BZW1: variants seen among roughly 807,000 people sequenced by gnomAD.
The protein encoded by BZW1 is basic leucine zipper and W2 domains 1.
Under a neutral mutation model 54.1 loss-of-function variants are expected in BZW1, and 3 were observed. The observed-to-expected ratio is 0.06, with a 90% CI of 0.03 to 0.14. The LOEUF (loss-of-function observed/expected upper bound fraction) is 0.14, where lower values mean the gene tolerates loss of function less well. Among genes scored for constraint, BZW1 ranks in the 10% least tolerant of loss-of-function variants. The pLI, the probability that BZW1 is intolerant of heterozygous loss-of-function variation, is 1.00. For missense variants in BZW1, 206 were observed against 491.7 expected (o/e 0.42, Z 5.50); for synonymous variants, 152 against 162.7 (o/e 0.93, Z 0.50).
At chr2:200,817,883 G>GT (rs1157316617) in intron 6 of BZW1, 91 bp from the exon 7 acceptor site, 3 of 866,480 alleles carry the variant, frequency 3.5e-6, no homozygotes, top group Non-Finnish European at 1.8e-6. Flanking sequence ...GTAATCCCAT[G>GT]TGATTGAACT....
chr2:200,814,928 A>G (rs1212187539), intron 2 of BZW1, among the ~76,000 whole-genome samples: 1 of 152,238 alleles, frequency 6.6e-6, no homozygotes, highest in Non-Finnish European at 1.5e-5. Context: ...ACCTTCATAA[A>G]TGCCAAAGGA....
At chr2:200,812,479 ACCGCAGGC>A in intron 1 of BZW1, 1 of 1,334,920 alleles carries the variant, frequency 7.5e-7, no homozygotes, top group Non-Finnish European at 9.6e-7. Context: ...GGCGGCCGCC[ACCGCAGGC>A]GACAGGGTCA....
rs962499309 is a variant in BZW1, at chr2:200,826,991, T to G, written c.*4813T>G. 1.3e-5 allele frequency: 2 copies of G among 152,050 alleles called. No homozygotes were observed. The highest frequency in any genetic ancestry group is 4.8e-5 in the African/African-American group (2 of 41,398). The allele number at this position is 152,050 out of a possible 1,614,324, so 9.4% of individuals were successfully genotyped here. The stretch of plus-strand genomic sequence containing the variant: ...GAAGGCTATGCTTAAAAGTTAGAGA[T>G]AAACCTGTTGGAAATAAGTGATTCA... On this transcript the variant is annotated 3_prime_UTR_variant, in exon 12 of 12. Coordinates refer to ENST00000409600, the MANE Select transcript of BZW1 (RefSeq NM_001207067.2).
intron 10 of BZW1, among the ~76,000 whole-genome samples, chr2:200,820,656 G>A (rs1361325107): frequency 1.3e-5 from 2 of 151,896 alleles, no homozygotes; most frequent in Non-Finnish European, 2.9e-5. Context: ...CACTCCAGCA[G>A]CCTAGGCAAC....
chr2:200,813,199 C>T lies in BZW1; in HGVS notation c.-10-9C>T, dbSNP rs888173482. On this transcript the variant is annotated splice_polypyrimidine_tract_variant and intron_variant, in intron 1 of 11. Coordinates refer to ENST00000409600, the MANE Select transcript of BZW1 (RefSeq NM_001207067.2). ...CACTGATATTAAGGCTTTATTTCTC[C>T]TTTCCTAGGGTGTCTTTTATGAATA... The T allele has an allele frequency of 3.1e-6, 5 of 1,610,794 alleles. No homozygotes were observed. The highest frequency in any genetic ancestry group is 4.5e-5 in the East Asian group (2 of 44,850).
intron 10 of BZW1, among the ~76,000 whole-genome samples, chr2:200,820,717 C>T (rs1559314637): frequency 6.6e-6 from 1 of 152,050 alleles, no homozygotes; most frequent in South Asian, 2.1e-4. Flanking sequence ...CTTTTCCAGA[C>T]AGTCTGTAGT....
intron 1 of BZW1, chr2:200,812,356 A>G: frequency 1.6e-6 from 2 of 1,278,424 alleles, no homozygotes; most frequent in Middle Eastern, 3.0e-4. Flanking sequence ...GCTGCCACCC[A>G]CCACCGCTGC....
rs2038649436 is a variant in BZW1 at position 200,824,817 on chromosome 2, GCC to G, written c.*2641_*2642del. 6.6e-6 allele frequency: 1 copy of G among 151,708 alleles called. No homozygotes were observed. Among genetic ancestry groups the G allele is most frequent in the Non-Finnish European group, 1.5e-5 (1 of 67,956 alleles). The allele number at this position is 151,708 out of a possible 1,614,324, so 9.4% of individuals were successfully genotyped here. Reference sequence around the variant, plus strand: ...CTCCCGAGTAGCTGGGACTACAGGCGCCCGCCACCATGCCCGACTAATTTTTT... The same window carrying G: ...CTCCCGAGTAGCTGGGACTACAGGCGCGCCACCATGCCCGACTAATTTTTT... On this transcript the variant is annotated 3_prime_UTR_variant, in exon 12 of 12. Transcript: ENST00000409600.
rs2038634392 is a variant in BZW1 at position 200,824,345 on chromosome 2, T to C, written c.*2167T>C. ...AAGTATGTAATTCTTAATATAGATG[T>C]TAAATTGTACTTTTAATTATGATTG... is the stretch of plus-strand genomic sequence containing the variant. On this transcript the variant is annotated 3_prime_UTR_variant, in exon 12 of 12. Coordinates refer to ENST00000409600, the MANE Select transcript of BZW1 (RefSeq NM_001207067.2). The C allele has an allele frequency of 6.6e-6, 1 of 152,154 alleles. No homozygotes were observed. The highest frequency in any genetic ancestry group is 2.4e-5 in the African/African-American group (1 of 41,434). 9.4% of individuals were successfully genotyped at this position (152,154 alleles called of 1,614,324 possible).
intron 5 of BZW1, 74 bp downstream of exon 5, chr2:200,816,464 C>A: frequency 1.8e-6 from 2 of 1,119,680 alleles, no homozygotes; most frequent in Non-Finnish European, 1.3e-6. Context: ...CCTAATTCCG[C>A]CACAGATTTG....
chr2:200,826,901 G>T lies in BZW1; in HGVS notation c.*4723G>T, dbSNP rs2038716077. 1 of 151,426 alleles carries T rather than the reference G, an allele frequency of 6.6e-6. No individual in the cohort carries two copies. The highest frequency in any genetic ancestry group is 1.5e-5 in the Non-Finnish European group (1 of 67,892). The allele number at this position is 151,426 out of a possible 1,614,324, so 9.4% of individuals were successfully genotyped here. A position where few individuals can be genotyped will look rare whatever the true frequency, so the allele number is the denominator to read the frequency against. ...CCTTGGCAAAACAAGCTAGGAGCTA[G>T]TTCATGCTAATATTCTTAAGGACAA... On this transcript the variant is annotated 3_prime_UTR_variant, in exon 12 of 12. Transcript: ENST00000409600.
chr2:200,815,302 C>G, intron 2 of BZW1, 39 bp from the exon 3 acceptor site: 3 of 1,550,076 alleles, frequency 1.9e-6, no homozygotes, highest in Non-Finnish European at 2.6e-6. Context: ...TTTGGTAAAT[C>G]TTTTAAAACT....
At chr2:200,812,456 G>A in intron 1 of BZW1, 2 of 1,341,386 alleles carry the variant, frequency 1.5e-6, no homozygotes, top group South Asian at 3.8e-5. Context: ...AGTGACTGTG[G>A]TCCGCTCGTT....
intron 2 of BZW1, 175 bp downstream of exon 2, chr2:200,813,456 CT>C: frequency 1.8e-6 from 1 of 563,406 alleles, no homozygotes; most frequent in Non-Finnish European, 3.1e-6. Flanking sequence ...TACTGCTTTA[CT>C]GCTCAAGCCT....
At chr2:200,814,531 A>G (rs1178566496) in intron 2 of BZW1, among the ~76,000 whole-genome samples, 2 of 152,230 alleles carry the variant, frequency 1.3e-5, no homozygotes, top group Admixed American at 6.5e-5. Flanking sequence ...GCAACTCAGT[A>G]AAGGTCAGGT....
rs1385715228 is a variant in BZW1, at chr2:200,825,095, C to G, written c.*2917C>G. On this transcript the variant is annotated 3_prime_UTR_variant, in exon 12 of 12. Transcript: ENST00000409600. ...TTTGTTTTTGTTTTGGAGACAGTCT[C>G]ACTCTGTTACCTGGGCTGGAGTGCA... is the stretch of plus-strand genomic sequence containing the variant. 1 of 152,228 alleles carries G rather than the reference C, an allele frequency of 6.6e-6. No individual in the cohort carries two copies. Among genetic ancestry groups the G allele is most frequent in the Non-Finnish European group, 1.5e-5 (1 of 68,304 alleles). 9.4% of individuals were successfully genotyped at this position (152,228 alleles called of 1,614,324 possible). A position where few individuals can be genotyped will look rare whatever the true frequency, so the allele number is the denominator to read the frequency against.
In BZW1 at chr2:200,819,973, C is replaced by T; in HGVS notation, c.967-9C>T. On this transcript the variant is annotated splice_polypyrimidine_tract_variant and intron_variant, in intron 9 of 11. Transcript: ENST00000409600. ...GAATGACTAAATCTTTTCTCTGTTC[C>T]TTTAAAAGCAATACAGCCCTCTACT... 1 of 1,484,722 alleles carries T rather than the reference C, an allele frequency of 6.7e-7. No individual in the cohort carries two copies. Among genetic ancestry groups the T allele is most frequent in the South Asian group, 1.3e-5 (1 of 74,504 alleles). 92.0% of individuals were successfully genotyped at this position (1,484,722 alleles called of 1,614,324 possible).
chr2:200,819,053 G>A, intron 9 of BZW1, 152 bp downstream of exon 9: 2 of 893,896 alleles, frequency 2.2e-6, no homozygotes, highest in Non-Finnish European at 3.3e-6. Context: ...ATTAGCTATT[G>A]ATGATAATGC....
intron 1 of BZW1, chr2:200,812,251 C>A (rs953494651): frequency 9.7e-5 from 119 of 1,229,672 alleles, no homozygotes; most frequent in Non-Finnish European, 1.2e-4. Flanking sequence ...CCGAGGCGGG[C>A]TCCCTCTGGG....
Sources: allele counts gnomAD v4.1 joint callset (sites outside exome capture counted in the v4.1 genomes callset), GRCh38; gene constraint gnomAD v4.1.1; transcripts MANE v1.5; gene names NCBI Gene and HGNC (gene_info 2026-07-23, HGNC 2026-07-21).